FNDC3B: variants seen among roughly 807,000 people sequenced by gnomAD.
The protein encoded by FNDC3B is fibronectin type III domain-containing protein 3B.
FNDC3B carries 12 observed loss-of-function variants against 151.5 expected under a neutral mutation model. That is an observed-to-expected ratio of 0.08 (90% CI 0.05 to 0.13). The LOEUF is 0.13. Ranked by LOEUF, FNDC3B falls within the 10% of genes least tolerant of loss-of-function variation. The pLI, the probability that FNDC3B is intolerant of heterozygous loss-of-function variation, is 1.00. For synonymous variants in FNDC3B, 528 were observed against 549.0 expected (o/e 0.96, Z 0.54); for missense variants, 1,214 against 1,505.3 (o/e 0.81, Z 3.20).
intron 15 of FNDC3B, chr3:172,335,902 ACT>A (rs1732940385): frequency 6.6e-6 from 1 of 152,038 alleles, no homozygotes; most frequent in African/African-American, 2.4e-5. Flanking sequence ...GAGACATATA[ACT>A]GTTTCAAGTT....
chr3:172,044,764 T>G (rs1443461554), intron 1 of FNDC3B, among the ~76,000 whole-genome samples: 1 of 152,214 alleles, frequency 6.6e-6, no homozygotes, highest in African/African-American at 2.4e-5. Context: ...GGAAACATGA[T>G]TTAACCCATG....
chr3:172,343,169 A>G (rs1222124119), intron 18 of FNDC3B, 53 bp downstream of exon 18: 1 of 941,836 alleles, frequency 1.1e-6, no homozygotes, highest in African/African-American at 1.6e-5. Flanking sequence ...ATTGGAGATG[A>G]AGACTTATGC....
At chr3:172,143,872 G>A (rs899525686) in intron 3 of FNDC3B, among the ~76,000 whole-genome samples, 8 of 151,696 alleles carry the variant, frequency 5.3e-5, no homozygotes, top group African/African-American at 1.9e-4. Flanking sequence ...TCGTGCCACT[G>A]CACTCCAGTC....
At chr3:172,307,619 G>A in intron 10 of FNDC3B, 118 bp downstream of exon 10, 1 of 943,244 alleles carries the variant, frequency 1.1e-6, no homozygotes, top group Non-Finnish European at 1.6e-6. Context: ...CTTGAACCCA[G>A]GAGTTTCAAG....
intron 2 of FNDC3B, among the ~76,000 whole-genome samples, chr3:172,128,244 C>T (rs922496591): frequency 2.6e-5 from 4 of 152,132 alleles, no homozygotes; most frequent in Non-Finnish European, 4.4e-5. Context: ...GGGCAGTGAG[C>T]AAAATGAGGC....
At chr3:172,087,418 A>T (rs1718599840) in intron 1 of FNDC3B, among the ~76,000 whole-genome samples, 1 of 152,158 alleles carries the variant, frequency 6.6e-6, no homozygotes, top group Non-Finnish European at 1.5e-5. Context: ...AACATTTTGG[A>T]ATTTGATAAG....
intron 3 of FNDC3B, chr3:172,186,579 C>T (rs1292926069): frequency 1.6e-6 from 1 of 614,408 alleles, no homozygotes; most frequent in Non-Finnish European, 2.9e-6. Flanking sequence ...TGTCTTGGCA[C>T]TATGGTATTT....
chr3:172,218,404 T>G (rs919224367), intron 3 of FNDC3B, among the ~76,000 whole-genome samples: 1 of 152,170 alleles, frequency 6.6e-6, no homozygotes, highest in Non-Finnish European at 1.5e-5. Flanking sequence ...GAGGAGGATA[T>G]TCTTGCCAAG....
intron 1 of FNDC3B, among the ~76,000 whole-genome samples, chr3:172,072,241 A>C (rs1020759844): frequency 6.6e-6 from 1 of 150,860 alleles, no homozygotes; most frequent in Non-Finnish European, 1.5e-5. Context: ...ATTTAATTTT[A>C]AGTAATTTAA....
intron 3 of FNDC3B, among the ~76,000 whole-genome samples, chr3:172,183,201 G>T (rs905070866): frequency 1.3e-5 from 2 of 152,088 alleles, no homozygotes; most frequent in African/African-American, 2.4e-5. Flanking sequence ...TAAGTTTGAT[G>T]ATTTAAAAAC....
chr3:172,069,437 C>A (rs1470654041), intron 1 of FNDC3B, among the ~76,000 whole-genome samples: 1 of 152,184 alleles, frequency 6.6e-6, no homozygotes, highest in East Asian at 1.9e-4. Context: ...AGGTTGAGAT[C>A]TTTGAAGAAT....
intron 1 of FNDC3B, among the ~76,000 whole-genome samples, chr3:172,083,863 A>G (rs1468769767): frequency 6.6e-6 from 1 of 152,224 alleles, no homozygotes; most frequent in Non-Finnish European, 1.5e-5. Flanking sequence ...GTGAAATGAA[A>G]GTATAGTAGC....
intron 6 of FNDC3B, among the ~76,000 whole-genome samples, chr3:172,264,189 G>T (rs1213384578): frequency 1.3e-5 from 2 of 152,090 alleles, no homozygotes; most frequent in Non-Finnish European, 2.9e-5. Flanking sequence ...TAGATACAGG[G>T]TCTCACTTTG....
chr3:172,217,557 A>ACAT (rs5854463), intron 3 of FNDC3B, among the ~76,000 whole-genome samples: 121,134 of 151,898 alleles, frequency 0.8, 48,458 homozygotes, highest in Middle Eastern at 0.9. Flanking sequence ...TCAATTCCTT[A>ACAT]CATCTTGCAC....
chr3:172,072,099 G>C (rs1202774809), intron 1 of FNDC3B, among the ~76,000 whole-genome samples: 2 of 149,618 alleles, frequency 1.3e-5, no homozygotes, highest in African/African-American at 2.5e-5. Context: ...TTTTACAGCA[G>C]TGCTGTCCAA....
intron 6 of FNDC3B, among the ~76,000 whole-genome samples, chr3:172,257,569 T>TACACACACACAAACAC (rs1728415297): frequency 7.0e-6 from 1 of 143,764 alleles, no homozygotes; most frequent in African/African-American, 2.5e-5. Flanking sequence ...CACGCATTCA[T>TACACACACACAAACAC]ACACACACAC....
intron 1 of FNDC3B, among the ~76,000 whole-genome samples, chr3:172,043,227 T>A (rs1716182604): frequency 6.6e-6 from 1 of 152,232 alleles, no homozygotes; most frequent in African/African-American, 2.4e-5. Flanking sequence ...TAAGTTTTAT[T>A]TACTTGTAAT....
chr3:172,368,095 C>A (rs1045945369), intron 23 of FNDC3B, among the ~76,000 whole-genome samples: 1 of 151,914 alleles, frequency 6.6e-6, no homozygotes, highest in African/African-American at 2.4e-5. Context: ...CATAGTGAGA[C>A]CCTTTCTCTA....
chr3:172,332,973 C>T, intron 13 of FNDC3B, 116 bp from the exon 14 acceptor site: 2 of 767,082 alleles, frequency 2.6e-6, no homozygotes, highest in East Asian at 2.4e-5. Context: ...AGCTGCCAGA[C>T]CTCTGGCCAG....
Sources: allele counts gnomAD v4.1 joint callset (sites outside exome capture counted in the v4.1 genomes callset), GRCh38; gene constraint gnomAD v4.1.1; transcripts MANE v1.5; gene names NCBI Gene and HGNC (gene_info 2026-07-23, HGNC 2026-07-21).